The following AGR3 variants were observed in gnomAD, a reference collection of about 807,000 sequenced individuals.
AGR3 encodes anterior gradient 3, protein disulphide isomerase family member.
In AGR3, 37 loss-of-function variants were observed where a neutral mutation model predicts 24.5. The ratio of observed to expected loss-of-function variants is 1.51; its 90% CI spans 1.16 to 1.99. AGR3 has a LOEUF of 1.99. Among genes scored for constraint, AGR3 ranks in the 30% most tolerant of loss-of-function variants. The pLI is 0.00. For synonymous variants in AGR3, 75 were observed against 61.6 expected, an observed-to-expected ratio of 1.22 and a Z score of -1.02; for missense variants, 228 against 191.1, an observed-to-expected ratio of 1.19 and a Z score of -1.14.
At chr7:16,874,874 T>C (rs1410357429) in intron 2 of AGR3, among the ~76,000 whole-genome samples, 2 of 152,124 alleles carry the variant, frequency 1.3e-5, no homozygotes, top group African/African-American at 4.8e-5. Flanking sequence ...CCTAGCACTT[T>C]GTGAGACCAA....
Position 16,859,567 on chromosome 7 carries a change from T to A in AGR3, c.*15A>T. 6.5e-7 allele frequency: 1 copy of A among 1,539,804 alleles called. No homozygotes were observed. The highest frequency in any genetic ancestry group is 8.8e-7 in the Non-Finnish European group (1 of 1,132,802). ...ATTTGACTTCTTTGAAGTGAAGGCT[T>A]TTTTCCATCATCTCTTATAGCTCTG... On this transcript the variant is annotated 3_prime_UTR_variant, in exon 8 of 8. Coordinates refer to ENST00000310398, the MANE Select transcript of AGR3 (RefSeq NM_176813.5).
At chr7:16,880,577 C>T (rs796741704) in intron 1 of AGR3, among the ~76,000 whole-genome samples, 12 of 134,164 alleles carry the variant, frequency 8.9e-5, no homozygotes, top group African/African-American at 2.0e-4. Context: ...TTCCCCTCCT[C>T]TCCCCTCCTT....
At chr7:16,865,217 A>G (rs1781732349) in intron 3 of AGR3, 2 of 773,998 alleles carry the variant, frequency 2.6e-6, no homozygotes, top group Non-Finnish European at 4.5e-6. Context: ...TTGACAGCGT[A>G]GCATTTGATT....
intron 2 of AGR3, among the ~76,000 whole-genome samples, chr7:16,874,899 T>A (rs1040879310): frequency 6.6e-6 from 1 of 152,016 alleles, no homozygotes; most frequent in South Asian, 2.1e-4. Context: ...GGTGGATCAT[T>A]TGAGGTCAGG....
Position 16,861,448 on chromosome 7 carries a change from C to G in AGR3, c.304-1G>C. 2.5e-6 allele frequency: 4 copies of G among 1,606,728 alleles called. No individual in the cohort carries two copies. Among genetic ancestry groups the G allele is most frequent in the Non-Finnish European group, 2.5e-6 (3 of 1,176,496 alleles). ...ATAAATTCTTATCAGTGGTTTCATG[C>G]TAGCAGGAGAAGAAAAAAAAAGAAT... On this transcript the variant is annotated splice_acceptor_variant, in intron 5 of 7. Coordinates refer to ENST00000310398, the MANE Select transcript of AGR3 (RefSeq NM_176813.5). LOFTEE classifies it high-confidence loss of function.
chr7:16,880,104 CTTCT>C (rs1562553544), intron 1 of AGR3, among the ~76,000 whole-genome samples: 8 of 114,982 alleles, frequency 7.0e-5, no homozygotes, highest in Non-Finnish European at 9.8e-5. Context: ...TCCTTCCTTC[CTTCT>C]TTCCTTCCTT....
chr7:16,861,863 T>C (rs1234541258), intron 5 of AGR3, 121 bp downstream of exon 5: 1 of 852,742 alleles, frequency 1.2e-6, no homozygotes, highest in Non-Finnish European at 1.8e-6. Context: ...ATTACGCCAC[T>C]GCACTCCAGC....
intron 6 of AGR3, 105 bp from the exon 7 acceptor site, chr7:16,860,688 A>T (rs1562544140): frequency 1.2e-5 from 9 of 754,036 alleles, no homozygotes; most frequent in Non-Finnish European, 2.0e-5. Flanking sequence ...TATGTGTACA[A>T]GTTTGTTACA....
Position 16,861,967 on chromosome 7 carries a change from T to A in AGR3, c.303+17A>T, listed in dbSNP as rs1781658008. On this transcript the variant is annotated intron_variant, in intron 5 of 7. Transcript: ENST00000310398. ...ATGAAATTATAGTATTAAGAAAACATCACAAAGTTTATGTACCATAAGGTT... is the reference window on the plus strand; with the variant it reads ...ATGAAATTATAGTATTAAGAAAACAACACAAAGTTTATGTACCATAAGGTT... The A allele has an allele frequency of 3.2e-6, 5 of 1,547,856 alleles. No individual in the cohort carries two copies. The East Asian group carries it at 6.8e-5, about 21-fold the overall frequency.
At chr7:16,871,865 C>CCA (rs1180794818) in intron 3 of AGR3, among the ~76,000 whole-genome samples, 3 of 151,504 alleles carry the variant, frequency 2.0e-5, no homozygotes, top group African/African-American at 7.3e-5. Flanking sequence ...CAAACAAAAA[C>CCA]CACACACACA....
At chr7:16,867,739 A>G (rs954948309) in intron 3 of AGR3, among the ~76,000 whole-genome samples, 2 of 152,090 alleles carry the variant, frequency 1.3e-5, no homozygotes, top group Non-Finnish European at 2.9e-5. Flanking sequence ...AGATTACGTG[A>G]CATTTGTCTT....
In AGR3 at chr7:16,859,476, A is replaced by G. The variant is rs1781599290; in HGVS notation, c.*106T>C. On this transcript the variant is annotated 3_prime_UTR_variant, in exon 8 of 8. Coordinates refer to ENST00000310398, the MANE Select transcript of AGR3 (RefSeq NM_176813.5). ...AACACATTAAAAAAACTAAATAGTAATATTACAAAATCTATATACTTGCAC... is the reference window on the plus strand; with the variant it reads ...AACACATTAAAAAAACTAAATAGTAGTATTACAAAATCTATATACTTGCAC... 6 of 721,420 alleles carry G rather than the reference A, an allele frequency of 8.3e-6. No individual in the cohort carries two copies. The highest frequency in any genetic ancestry group is 1.1e-5 in the Non-Finnish European group (5 of 440,524). 44.7% of individuals were successfully genotyped at this position (721,420 alleles called of 1,614,324 possible).
At chr7:16,857,688 C>A (rs1781573211), downstream of AGR3, among the ~76,000 whole-genome samples, 1 of 152,062 alleles carries the variant, frequency 6.6e-6, no homozygotes, top group South Asian at 2.1e-4. Context: ...ATTTAATATT[C>A]TTTTGTAAAT....
intron 1 of AGR3, among the ~76,000 whole-genome samples, chr7:16,880,522 C>T (rs78533609): frequency 1.9e-3 from 34 of 17,718 alleles, no homozygotes; most frequent in African/African-American, 3.3e-3. Context: ...TTCCCCTCCT[C>T]TCCCCTCCCC....
chr7:16,865,618 G>T (rs1781743994), intron 3 of AGR3: 2 of 745,086 alleles, frequency 2.7e-6, no homozygotes, highest in African/African-American at 3.5e-5. Context: ...CTATAAACTG[G>T]TTAGGTAAAT....
chr7:16,858,491 T>C (rs974156556), downstream of AGR3, among the ~76,000 whole-genome samples: 6 of 152,174 alleles, frequency 3.9e-5, no homozygotes, highest in African/African-American at 1.4e-4. Context: ...TTCCTACCAG[T>C]TAATTGGAGA....
At chr7:16,877,663 A>T (rs988137956) in intron 2 of AGR3, among the ~76,000 whole-genome samples, 5 of 152,094 alleles carry the variant, frequency 3.3e-5, no homozygotes, top group Admixed American at 6.6e-5. Context: ...GGAGATCGAG[A>T]CCATCCTGGC....
At chr7:16,862,144 G>C in intron 4 of AGR3, 84 bp from the exon 5 acceptor site, 2 of 1,009,678 alleles carry the variant, frequency 2.0e-6, no homozygotes, top group Admixed American at 2.0e-5. Flanking sequence ...CTAATATTTA[G>C]CATTTGTTTG....
chr7:16,865,336 G>A (rs1781735423), intron 3 of AGR3: 4 of 1,158,222 alleles, frequency 3.5e-6, no homozygotes, highest in South Asian at 2.5e-5. Flanking sequence ...CCTTGACAGA[G>A]CACCTCTAGA....
Sources: gnomAD v4.1 joint callset for allele counts (sites outside exome capture counted in the v4.1 genomes callset) on GRCh38, gnomAD v4.1.1 for gene constraint, MANE v1.5 for transcripts, NCBI Gene and HGNC (gene_info 2026-07-23, HGNC 2026-07-21) for gene names.